Variants in SLC9D1 observed in about 807,000 individuals in gnomAD.
The protein encoded by SLC9D1 is putative LAG1-interacting protein.
chr13:113,519,753 A>C, the SLC9D1 span, among the ~76,000 whole-genome samples: 2 of 145,704 alleles, frequency 1.4e-5, no homozygotes, highest in African/African-American at 5.2e-5. Context: ...TTTGGACACC[A>C]AGTCTGTCTT....
At chr13:113,495,580 T>A in the SLC9D1 span, 3 of 1,531,408 alleles carry the variant, frequency 2.0e-6, no homozygotes, top group Non-Finnish European at 2.6e-6. Flanking sequence ...CGGACCTGGA[T>A]CATGAAGGTG....
the SLC9D1 span, among the ~76,000 whole-genome samples, chr13:113,506,629 G>A: frequency 6.6e-6 from 1 of 151,990 alleles, no homozygotes; most frequent in African/African-American, 2.4e-5. Context: ...AACCCGTAGG[G>A]GAGGTGGGAG....
chr13:113,495,258 T>G, the SLC9D1 span, among the ~76,000 whole-genome samples: 1 of 152,222 alleles, frequency 6.6e-6, no homozygotes, highest in Admixed American at 6.5e-5. Context: ...CCTTTAATCC[T>G]TTCTATAAAG....
At chr13:113,502,237 A>G in the SLC9D1 span, among the ~76,000 whole-genome samples, 2 of 152,246 alleles carry the variant, frequency 1.3e-5, no homozygotes, top group Admixed American at 6.5e-5. Context: ...TTTTTGAGAC[A>G]GAGTCTCGCA....
chr13:113,543,032 C>T, the SLC9D1 span, among the ~76,000 whole-genome samples: 6 of 121,664 alleles, frequency 4.9e-5, no homozygotes, highest in Non-Finnish European at 8.2e-5. Flanking sequence ...CACCCCCGGC[C>T]CTCCGTGTGT....
At chr13:113,528,411 A>G in the SLC9D1 span, 3 of 152,248 alleles carry the variant, frequency 2.0e-5, no homozygotes, top group Admixed American at 6.5e-5. Flanking sequence ...GCCTTTTGCC[A>G]GATCTTCTGT....
At chr13:113,492,676 T>C in the SLC9D1 span, among the ~76,000 whole-genome samples, 27 of 152,334 alleles carry the variant, frequency 1.8e-4, no homozygotes, top group African/African-American at 6.5e-4. Flanking sequence ...GGTGGGTGGA[T>C]CACCTGAGGT....
At chr13:113,549,287 C>G in the SLC9D1 span, 1 of 971,482 alleles carries the variant, frequency 1.0e-6, no homozygotes, top group Non-Finnish European at 1.5e-6. Context: ...TCCCAGCACT[C>G]AGCGTGACTG....
chr13:113,498,125 C>T, the SLC9D1 span, among the ~76,000 whole-genome samples: 28,180 of 152,178 alleles, frequency 0.19, 3,446 homozygotes, highest in African/African-American at 0.35. Context: ...ATGTTTCTTA[C>T]GTGTGTTGAT....
the SLC9D1 span, chr13:113,500,047 TGA>T: frequency 1.3e-6 from 2 of 1,594,434 alleles, no homozygotes; most frequent in East Asian, 2.3e-5. Context: ...AAGTGGAGGA[TGA>T]CTTGGGTCTT....
chr13:113,510,925 T>C, the SLC9D1 span, among the ~76,000 whole-genome samples: 2 of 151,308 alleles, frequency 1.3e-5, no homozygotes, highest in African/African-American at 2.4e-5. Flanking sequence ...CGTGACTGTT[T>C]AGTGGAAGCC....
At chr13:113,543,115 A>ACCTCCTCCCCCTGCCCCCC in the SLC9D1 span, among the ~76,000 whole-genome samples, 25 of 41,524 alleles carry the variant, frequency 6.0e-4, no homozygotes, top group African/African-American at 3.0e-3. Flanking sequence ...CCCTGCCCCC[A>ACCTCCTCCCCCTGCCCCCC]GCCCTCCCTG....
At chr13:113,534,239 C>A in the SLC9D1 span, 1 of 1,607,756 alleles carries the variant, frequency 6.2e-7, no homozygotes, top group Non-Finnish European at 8.5e-7. Flanking sequence ...TTAATGTTAA[C>A]GGTAATTCTC....
At chr13:113,530,828 A>G in the SLC9D1 span, among the ~76,000 whole-genome samples, 1 of 152,196 alleles carries the variant, frequency 6.6e-6, no homozygotes, top group Non-Finnish European at 1.5e-5. Context: ...AATAAGAAAA[A>G]TATGAATAAC....
At chr13:113,517,774 G>A in the SLC9D1 span, among the ~76,000 whole-genome samples, 11 of 152,074 alleles carry the variant, frequency 7.2e-5, no homozygotes, top group Admixed American at 7.2e-4. Flanking sequence ...TCAAGGGGAT[G>A]ATGAACTTTC....
chr13:113,518,490 CA>C, the SLC9D1 span, among the ~76,000 whole-genome samples: 1 of 152,222 alleles, frequency 6.6e-6, no homozygotes, highest in African/African-American at 2.4e-5. Flanking sequence ...GTAATATCAT[CA>C]AAGGCTATCT....
chr13:113,540,765 G>A, the SLC9D1 span, among the ~76,000 whole-genome samples: 13 of 152,334 alleles, frequency 8.5e-5, no homozygotes, highest in South Asian at 2.5e-3. Flanking sequence ...TTACCGTTGC[G>A]ATTGCGTTTG....
chr13:113,535,672 C>A, the SLC9D1 span, among the ~76,000 whole-genome samples: 1 of 151,994 alleles, frequency 6.6e-6, no homozygotes, highest in Non-Finnish European at 1.5e-5. The surrounding 1 kb of genome is among the most constrained non-coding windows in gnomAD (Gnocchi z 4.1). Flanking sequence ...GCAGGCAGCC[C>A]CCAAAGGCTG....
chr13:113,525,435 T>C, the SLC9D1 span, among the ~76,000 whole-genome samples: 1 of 152,252 alleles, frequency 6.6e-6, no homozygotes, highest in African/African-American at 2.4e-5. Flanking sequence ...CTGTTACTGG[T>C]TTATGTATTT....
Sources: allele counts gnomAD v4.1 joint callset (sites outside exome capture counted in the v4.1 genomes callset), GRCh38; gene constraint gnomAD v4.1.1; non-coding constraint Gnocchi (gnomAD v3.1); transcripts MANE v1.5; gene names NCBI Gene and HGNC (gene_info 2026-07-23, HGNC 2026-07-21).